Variants in GADL1 observed in about 807,000 individuals in gnomAD.
GADL1 encodes acidic amino acid decarboxylase GADL1.
Under a neutral mutation model 69.5 loss-of-function variants are expected in GADL1, and 71 were observed. The observed-to-expected ratio is 1.02, with a 90% CI of 0.84 to 1.25. The LOEUF is 1.25. GADL1 is among the 50% of genes most tolerant of loss of function. GADL1 has a pLI of 0.00. For missense variants in GADL1, 737 were observed against 631.8 expected, an observed-to-expected ratio of 1.17 and a Z score of -1.79; for synonymous variants, 254 against 214.4, an observed-to-expected ratio of 1.18 and a Z score of -1.62.
At chr3:30,825,542 T>C (rs553218577) in intron 11 of GADL1, among the ~76,000 whole-genome samples, 22 of 152,026 alleles carry the variant, frequency 1.4e-4, no homozygotes, top group African/African-American at 5.3e-4. Flanking sequence ...ATATCTTCCT[T>C]GGAAACCAAT....
chr3:30,861,066 A>G (rs1575238415), intron 2 of GADL1, among the ~76,000 whole-genome samples: 1 of 152,156 alleles, frequency 6.6e-6, no homozygotes, highest in Middle Eastern at 3.4e-3. Flanking sequence ...GAAATCTACA[A>G]CCAATAATTG....
In GADL1 at chr3:30,806,288, G is replaced by A. The variant is rs560963783; in HGVS notation, c.1051-5200C>T. Among the ~76,000 whole-genome samples the A allele has an allele frequency of 7.2e-5, 11 of 152,150 alleles. No individual in the cohort carries two copies. In the East Asian group the frequency reaches 1.9e-3, roughly 27 times the overall value. ...ATAATTCATCTAAAAATTATGTATT[G>A]AGGACCTATTATATAACAAGCACTA... is the stretch of plus-strand genomic sequence containing the variant. On this transcript the variant is annotated intron_variant, in intron 11 of 14. Coordinates refer to ENST00000282538, the MANE Select transcript of GADL1 (RefSeq NM_207359.3).
chr3:30,868,464 C>G (rs1377231332), intron 1 of GADL1, among the ~76,000 whole-genome samples: 1 of 151,880 alleles, frequency 6.6e-6, no homozygotes, highest in South Asian at 2.1e-4. Context: ...AAGTCCTGGC[C>G]CAAATTCTAA....
At chr3:30,744,625 G>C (rs1695673076) in intron 14 of GADL1, among the ~76,000 whole-genome samples, 1 of 152,114 alleles carries the variant, frequency 6.6e-6, no homozygotes, top group Non-Finnish European at 1.5e-5. Flanking sequence ...GAGGCGGGAG[G>C]ATTGCTTGAG....
In GADL1 at chr3:30,839,038, C is replaced by A; in HGVS notation, c.862G>T (p.Ala288Ser). 1 of 1,606,710 alleles carries A rather than the reference C, an allele frequency of 6.2e-7. No individual in the cohort carries two copies. The highest frequency in any genetic ancestry group is 1.1e-5 in the South Asian group (1 of 89,350). Residue 288 changes from alanine (A) to serine (S), a missense_variant, in exon 9 of 15, where the codon GCA becomes TCA. By Grantham distance (99) the Ala-to-Ser change is moderately conservative (BLOSUM62 1). Transcript: ENST00000282538. ...LGAFDPLDEI[A>S]DICERHSLWL... Reference sequence around the variant, plus strand: ...AGGCTGTGCCTCTCGCAGATGTCTGCTATTTCATCCAGAGGGTCAAAAGCT... The same window carrying A: ...AGGCTGTGCCTCTCGCAGATGTCTGATATTTCATCCAGAGGGTCAAAAGCT...
At chr3:30,819,358 A>G (rs575321221) in intron 11 of GADL1, among the ~76,000 whole-genome samples, 1 of 152,188 alleles carries the variant, frequency 6.6e-6, no homozygotes, top group African/African-American at 2.4e-5. Context: ...GTAAAAGGTA[A>G]AAATTTGTCA....
At chr3:30,891,760 C>A (rs1698790738) in intron 1 of GADL1, among the ~76,000 whole-genome samples, 1 of 151,988 alleles carries the variant, frequency 6.6e-6, no homozygotes, top group African/African-American at 2.4e-5. Context: ...GGACCATGCA[C>A]CCAGTGATGA....
At chr3:30,799,954 C>T (rs746134973) in intron 12 of GADL1, 3 of 152,296 alleles carry the variant, frequency 2.0e-5, no homozygotes, top group African/African-American at 4.8e-5. Context: ...CCTTATTGTT[C>T]GTATCACTAT....
At chr3:30,835,441 T>G (rs904120845) in intron 9 of GADL1, among the ~76,000 whole-genome samples, 1 of 152,028 alleles carries the variant, frequency 6.6e-6, no homozygotes, top group Non-Finnish European at 1.5e-5. Context: ...GAAAATGAAG[T>G]ATCTCCACGA....
intron 14 of GADL1, among the ~76,000 whole-genome samples, chr3:30,740,242 G>C (rs995483330): frequency 6.6e-6 from 1 of 152,184 alleles, no homozygotes; most frequent in Non-Finnish European, 1.5e-5. Context: ...TAAAAAGACA[G>C]AGTTTGAATT....
At chr3:30,868,427 C>T (rs1698434200) in intron 1 of GADL1, among the ~76,000 whole-genome samples, 1 of 151,980 alleles carries the variant, frequency 6.6e-6, no homozygotes, top group African/African-American at 2.4e-5. Context: ...TTATTGACAC[C>T]ATAGTGGATT....
At chr3:30,885,278 T>A (rs1698688423) in intron 1 of GADL1, among the ~76,000 whole-genome samples, 1 of 152,112 alleles carries the variant, frequency 6.6e-6, no homozygotes, top group Non-Finnish European at 1.5e-5. Flanking sequence ...TTCTGTCTTA[T>A]CTATGATTTA....
intron 11 of GADL1, among the ~76,000 whole-genome samples, chr3:30,811,889 G>A (rs964500534): frequency 2.0e-5 from 3 of 152,264 alleles, no homozygotes; most frequent in Middle Eastern, 3.4e-3. Context: ...CAGTGTTATT[G>A]TTTAAAATGT....
intron 11 of GADL1, among the ~76,000 whole-genome samples, chr3:30,824,851 G>A (rs1440235280): frequency 6.6e-6 from 1 of 151,852 alleles, no homozygotes; most frequent in Admixed American, 6.6e-5. Flanking sequence ...ATTTTAATCT[G>A]TGTGAGAATG....
intron 14 of GADL1, among the ~76,000 whole-genome samples, chr3:30,767,350 A>G (rs1364277235): frequency 6.6e-6 from 1 of 152,196 alleles, no homozygotes; most frequent in East Asian, 1.9e-4. Context: ...AGGATAGAGT[A>G]TTAGCAGATT....
chr3:30,778,133 G>T, intron 14 of GADL1, 46 bp downstream of exon 14: 1 of 1,048,360 alleles, frequency 9.5e-7, no homozygotes, highest in Non-Finnish European at 1.5e-6. Flanking sequence ...AATGTACACT[G>T]AATCTACTTC....
intron 12 of GADL1, among the ~76,000 whole-genome samples, chr3:30,790,765 T>C (rs1559500712): frequency 6.6e-6 from 1 of 152,158 alleles, no homozygotes; most frequent in Non-Finnish European, 1.5e-5. Flanking sequence ...TTATATGTAC[T>C]ATCTAAATGT....
intron 11 of GADL1, among the ~76,000 whole-genome samples, chr3:30,822,186 C>G: frequency 6.6e-6 from 1 of 151,998 alleles, no homozygotes; most frequent in Non-Finnish European, 1.5e-5. Context: ...GATGATATTT[C>G]CAAATACCAA....
intron 5 of GADL1, among the ~76,000 whole-genome samples, chr3:30,850,483 A>G (rs1359149518): frequency 6.6e-6 from 1 of 152,166 alleles, no homozygotes; most frequent in Admixed American, 6.5e-5. Flanking sequence ...CTGGCTACAA[A>G]AAAGGACTAC....
Sources: gnomAD v4.1 joint callset for allele counts (sites outside exome capture counted in the v4.1 genomes callset) on GRCh38, gnomAD v4.1.1 for gene constraint, MANE v1.5 for transcripts, NCBI Gene and HGNC (gene_info 2026-07-23, HGNC 2026-07-21) for gene names.